Variants in EYA2 observed in about 807,000 individuals in gnomAD.
EYA2 encodes EYA transcriptional coactivator and phosphatase 2.
Under a neutral mutation model 69.2 loss-of-function variants are expected in EYA2, and 31 were observed. The observed-to-expected ratio is 0.45, with a 90% confidence interval of 0.34 to 0.60. The LOEUF is 0.60. EYA2 is among the 20% of genes least tolerant of loss of function. The pLI is 0.02. For missense variants in EYA2, 622 were observed against 701.2 expected (o/e 0.89, Z 1.28); for synonymous variants, 257 against 279.4 (o/e 0.92, Z 0.80).
chr20:47,104,124 A>G (rs1047513521), intron 9 of EYA2, among the ~76,000 whole-genome samples: 21 of 152,156 alleles, frequency 1.4e-4, no homozygotes, highest in Admixed American at 1.3e-4. Context: ...CTTTTTGGCT[A>G]TAGTCCTAGT....
At chr20:47,100,810 C>G (rs577624057) in intron 9 of EYA2, among the ~76,000 whole-genome samples, 47 of 152,208 alleles carry the variant, frequency 3.1e-4, no homozygotes, top group Admixed American at 6.5e-4. Flanking sequence ...TTCAGAGAGA[C>G]CCAAAATAAT....
intron 5 of EYA2, among the ~76,000 whole-genome samples, chr20:47,038,602 G>T (rs538642745): frequency 3.9e-5 from 6 of 152,258 alleles, no homozygotes; most frequent in Admixed American, 2.6e-4. Flanking sequence ...GTGTGTGCAC[G>T]CACACATACA....
At chr20:47,181,633 A>G (rs908125012) in intron 14 of EYA2, among the ~76,000 whole-genome samples, 1 of 152,168 alleles carries the variant, frequency 6.6e-6, no homozygotes, top group African/African-American at 2.4e-5. Flanking sequence ...CTCAGCCCCC[A>G]AAGTACTGGG....
chr20:47,144,185 G>C (rs925991258), intron 10 of EYA2, among the ~76,000 whole-genome samples: 1 of 151,992 alleles, frequency 6.6e-6, no homozygotes, highest in South Asian at 2.1e-4. Context: ...GCGAAACCCC[G>C]TCTCTACTAA....
intron 12 of EYA2, among the ~76,000 whole-genome samples, chr20:47,176,184 ACT>A (rs2146663761): frequency 6.8e-6 from 1 of 147,806 alleles, no homozygotes; most frequent in South Asian, 2.1e-4. Context: ...GGTTCAAGTG[ACT>A]CTCCTGCCTC....
At chr20:47,055,448 C>T (rs2030561342) in intron 5 of EYA2, among the ~76,000 whole-genome samples, 1 of 152,120 alleles carries the variant, frequency 6.6e-6, no homozygotes, top group Admixed American at 6.6e-5. Flanking sequence ...CATGTCACTC[C>T]CCTGTTTAAA....
intron 10 of EYA2, among the ~76,000 whole-genome samples, chr20:47,160,484 G>T (rs75547093): frequency 2.6e-5 from 4 of 152,144 alleles, no homozygotes; most frequent in Non-Finnish European, 4.4e-5. Context: ...TTTGGACCAC[G>T]GTGGGGCGGG....
intron 4 of EYA2, among the ~76,000 whole-genome samples, chr20:47,010,018 T>C (rs550340629): frequency 6.6e-6 from 1 of 152,234 alleles, no homozygotes; most frequent in African/African-American, 2.4e-5. Context: ...CACTACTTGA[T>C]GGCACCATAA....
In EYA2 at chr20:47,162,768, T is replaced by G. The variant is rs139610055; in HGVS notation, c.979-6371T>G. On this transcript the variant is annotated intron_variant, in intron 10 of 15. Coordinates refer to ENST00000327619, the MANE Select transcript of EYA2 (RefSeq NM_005244.5). ...TCTTGGGCTCAGGAGATGCACCCTC[T>G]TTGGCCTCCCAAAGTGTTAGGATTA... 4.0e-3 allele frequency among the ~76,000 whole-genome samples: 613 copies of G among 151,856 alleles called. 5 individuals carry two copies. Among genetic ancestry groups the G allele is most frequent in the African/African-American group, 0.014 (562 of 41,410 alleles).
chr20:47,144,588 C>A (rs896059042), intron 10 of EYA2, among the ~76,000 whole-genome samples: 2 of 152,196 alleles, frequency 1.3e-5, no homozygotes, highest in Non-Finnish European at 2.9e-5. Context: ...AGTCTGCAGG[C>A]TGGAGTTCCA....
rs56288405 is a variant in EYA2 at position 46,987,916 on chromosome 20, G to GACTCTCTCTCTCTCTCTCTCTC, written c.-10-2085_-10-2084insACTCTCTCTCTCTCTCTCTCTC. ...TACTCCAGCCTGGAAGACAGAGTAA[G>GACTCTCTCTCTCTCTCTCTCTC]TCTCTCTCTCTCTCTCTCTCTCTCT... On this transcript the variant is annotated intron_variant, in intron 1 of 15. Coordinates refer to ENST00000327619, the MANE Select transcript of EYA2 (RefSeq NM_005244.5). 2.2e-3 allele frequency among the ~76,000 whole-genome samples: 45 copies of GACTCTCTCTCTCTCTCTCTCTC among 20,372 alleles called. 6 individuals are homozygous for GACTCTCTCTCTCTCTCTCTCTC. The highest frequency in any genetic ancestry group is 3.4e-3 in the Admixed American group (5 of 1,454). The allele number at this position is 20,372 out of a possible 152,430, so 13.4% of individuals were successfully genotyped here.
chr20:46,900,044 A>G (rs906194623), intron 1 of EYA2, among the ~76,000 whole-genome samples: 1 of 152,222 alleles, frequency 6.6e-6, no homozygotes, highest in African/African-American at 2.4e-5. Context: ...TGTGTCAGTA[A>G]CATGAAAATG....
At chr20:46,993,919 G>C (rs1981850278) in intron 2 of EYA2, among the ~76,000 whole-genome samples, 1 of 152,196 alleles carries the variant, frequency 6.6e-6, no homozygotes, top group Non-Finnish European at 1.5e-5. Context: ...AAGGCCCTGA[G>C]GCAGCAGTGT....
At chr20:46,938,527 T>C (rs748514328) in intron 1 of EYA2, among the ~76,000 whole-genome samples, 3 of 152,002 alleles carry the variant, frequency 2.0e-5, no homozygotes, top group Non-Finnish European at 2.9e-5. Context: ...ACATCAGGCA[T>C]GGTGGAGCTC....
intron 9 of EYA2, among the ~76,000 whole-genome samples, chr20:47,114,130 G>A (rs1465606858): frequency 6.6e-6 from 1 of 152,226 alleles, no homozygotes; most frequent in Non-Finnish European, 1.5e-5. Context: ...TGGTGTGATG[G>A]CTACAGAAAC....
At chr20:46,896,040 C>T (rs1000072078) in intron 1 of EYA2, among the ~76,000 whole-genome samples, 4 of 152,112 alleles carry the variant, frequency 2.6e-5, no homozygotes, top group African/African-American at 7.2e-5. Context: ...TCTTCAATTA[C>T]TTTTTAAAAT....
chr20:47,030,630 GC>G (rs11306853), intron 5 of EYA2, among the ~76,000 whole-genome samples: 27,141 of 152,120 alleles, frequency 0.18, 2,598 homozygotes, highest in African/African-American at 0.24. Context: ...TTTTCTCACA[GC>G]TCTGGGAGCT....
At chr20:46,959,562 C>T (rs750757588) in intron 1 of EYA2, among the ~76,000 whole-genome samples, 6 of 152,202 alleles carry the variant, frequency 3.9e-5, no homozygotes, top group Non-Finnish European at 7.3e-5. Flanking sequence ...CCGCCTCCCA[C>T]GGCATCCTCC....
intron 9 of EYA2, among the ~76,000 whole-genome samples, chr20:47,115,939 A>C (rs1338962305): frequency 6.6e-6 from 1 of 152,018 alleles, no homozygotes; most frequent in Non-Finnish European, 1.5e-5. Flanking sequence ...TTCCCACCAC[A>C]GGGCCTTTGC....
Sources: allele counts gnomAD v4.1 joint callset (sites outside exome capture counted in the v4.1 genomes callset), GRCh38; gene constraint gnomAD v4.1.1; transcripts MANE v1.5; gene names NCBI Gene and HGNC (gene_info 2026-07-23, HGNC 2026-07-21).